The following MARCHF1 variants were observed in gnomAD, a reference collection of about 807,000 sequenced individuals.
MARCHF1 encodes the protein E3 ubiquitin-protein ligase MARCHF1.
MARCHF1 carries 40 observed loss-of-function variants against 54.2 expected under a neutral mutation model. The ratio of observed to expected loss-of-function variants is 0.74; its 90% CI spans 0.57 to 0.96. The LOEUF (loss-of-function observed/expected upper bound fraction) is 0.96, where lower values mean the gene tolerates loss of function less well. MARCHF1 is among the 40% of genes least tolerant of loss of function. The pLI, the probability that MARCHF1 is intolerant of heterozygous loss-of-function variation, is 0.00. For missense variants in MARCHF1, 586 were observed against 656.5 expected, an observed-to-expected ratio of 0.89 and a Z score of 1.17; for synonymous variants, 236 against 236.3, an observed-to-expected ratio of 1.00 and a Z score of 0.01.
In MARCHF1 at chr4:163,698,325, T is replaced by C. The variant is rs1423687168; in HGVS notation, c.162+2488A>G. On this transcript the variant is annotated intron_variant, in intron 5 of 9. Coordinates refer to ENST00000514618, the MANE Select transcript of MARCHF1 (RefSeq NM_001394959.1). ...TTTGGCCACTTCATGATTGAAAAAT[T>C]ATGTAGTCAATGAATAGTTTTCCAC... Among the ~76,000 whole-genome samples the C allele has an allele frequency of 2.0e-5, 3 of 152,176 alleles. No individual in the cohort carries two copies. In the East Asian group the frequency reaches 5.8e-4, roughly 29 times the overall value.
chr4:163,981,188 G>A (rs1263315678), intron 3 of MARCHF1, among the ~76,000 whole-genome samples: 3 of 150,782 alleles, frequency 2.0e-5, no homozygotes, highest in African/African-American at 7.3e-5. Context: ...TATTCATATT[G>A]GCATCAAAAG....
At chr4:163,681,177 A>T (rs1366318196) in intron 5 of MARCHF1, among the ~76,000 whole-genome samples, 1 of 152,086 alleles carries the variant, frequency 6.6e-6, no homozygotes, top group African/African-American at 2.4e-5. Context: ...TGCATATGGG[A>T]ATTGCTAAGA....
At chr4:164,074,079 A>G (rs911035659) in intron 2 of MARCHF1, among the ~76,000 whole-genome samples, 1 of 152,186 alleles carries the variant, frequency 6.6e-6, no homozygotes, top group Non-Finnish European at 1.5e-5. Flanking sequence ...GCTATATATC[A>G]ATTGTTTTGC....
At chr4:164,133,402 T>C (rs1756340634) in intron 1 of MARCHF1, among the ~76,000 whole-genome samples, 1 of 152,216 alleles carries the variant, frequency 6.6e-6, no homozygotes, top group Non-Finnish European at 1.5e-5. Context: ...TCTACTGTCA[T>C]TGTGATTCCC....
At chr4:163,649,076 A>G (rs1168676255) in intron 5 of MARCHF1, among the ~76,000 whole-genome samples, 1 of 151,812 alleles carries the variant, frequency 6.6e-6, no homozygotes, top group Non-Finnish European at 1.5e-5. Flanking sequence ...TATGTGATTT[A>G]TTTTTTTTCT....
intron 3 of MARCHF1, among the ~76,000 whole-genome samples, chr4:163,953,291 C>T (rs535494067): frequency 1.3e-5 from 2 of 152,088 alleles, no homozygotes; most frequent in African/African-American, 4.8e-5. Context: ...CAGGATTTGG[C>T]GTCAGACTTG....
chr4:163,994,049 A>T (rs528926149), intron 2 of MARCHF1, among the ~76,000 whole-genome samples: 21 of 152,242 alleles, frequency 1.4e-4, no homozygotes, highest in African/African-American at 5.1e-4. Flanking sequence ...AGCTTTCAAA[A>T]TATTAGTAAA....
At chr4:163,729,401 C>T (rs1291005620) in intron 4 of MARCHF1, among the ~76,000 whole-genome samples, 3 of 116,386 alleles carry the variant, frequency 2.6e-5, no homozygotes, top group African/African-American at 9.4e-5. Context: ...CACTCAACTG[C>T]TTCTGGTGCT....
chr4:163,854,870 C>A (rs909438726), intron 3 of MARCHF1, among the ~76,000 whole-genome samples: 1 of 152,130 alleles, frequency 6.6e-6, no homozygotes, highest in Admixed American at 6.6e-5. Context: ...TCAACAATGA[C>A]TTTTAACATA....
intron 2 of MARCHF1, among the ~76,000 whole-genome samples, chr4:164,072,766 C>G (rs1405947080): frequency 6.8e-6 from 1 of 147,988 alleles, no homozygotes; most frequent in Non-Finnish European, 1.5e-5. Flanking sequence ...TAGGAAAACA[C>G]TGATGGATGA....
At chr4:163,552,297 A>G (rs1739132511) in intron 8 of MARCHF1, among the ~76,000 whole-genome samples, 1 of 152,214 alleles carries the variant, frequency 6.6e-6, no homozygotes, top group African/African-American at 2.4e-5. Flanking sequence ...ATGTGTCCAG[A>G]TGGACCTGGG....
At chr4:163,717,827 C>G (rs1745314730) in intron 4 of MARCHF1, among the ~76,000 whole-genome samples, 1 of 152,176 alleles carries the variant, frequency 6.6e-6, no homozygotes, top group Admixed American at 6.5e-5. Context: ...ATCCTTCACC[C>G]ACTTTTTGAT....
At chr4:164,015,429 C>G (rs868593957) in intron 2 of MARCHF1, among the ~76,000 whole-genome samples, 2 of 151,998 alleles carry the variant, frequency 1.3e-5, no homozygotes, top group Admixed American at 6.6e-5. Context: ...AAAAACACAG[C>G]CAACTAAATC....
chr4:163,599,446 C>G (rs905154079), intron 7 of MARCHF1, among the ~76,000 whole-genome samples: 2 of 151,708 alleles, frequency 1.3e-5, no homozygotes, highest in Non-Finnish European at 2.9e-5. Context: ...AATATACACA[C>G]AAGCAAACAC....
intron 4 of MARCHF1, among the ~76,000 whole-genome samples, chr4:163,723,360 C>T (rs909055624): frequency 1.3e-5 from 2 of 152,204 alleles, no homozygotes; most frequent in Non-Finnish European, 2.9e-5. Context: ...CCCCCACTCT[C>T]TTCTGGCTTG....
At chr4:164,333,795 C>T (rs542442854) in intron 1 of MARCHF1, among the ~76,000 whole-genome samples, 22 of 152,270 alleles carry the variant, frequency 1.4e-4, no homozygotes, top group African/African-American at 5.3e-4. Flanking sequence ...AGAGGCCAAA[C>T]GCTAGGTGTA....
chr4:164,011,062 T>A (rs1753409857), intron 2 of MARCHF1, among the ~76,000 whole-genome samples: 1 of 152,058 alleles, frequency 6.6e-6, no homozygotes, highest in African/African-American at 2.4e-5. Flanking sequence ...GATAATGACA[T>A]TCAGGAAAAT....
At chr4:163,771,525 G>A (rs1156420045) in intron 4 of MARCHF1, among the ~76,000 whole-genome samples, 2 of 152,134 alleles carry the variant, frequency 1.3e-5, no homozygotes, top group East Asian at 1.9e-4. Flanking sequence ...GTATCTTCAC[G>A]CAGTAGAAAG....
chr4:163,560,352 T>C (rs971929255), intron 8 of MARCHF1, among the ~76,000 whole-genome samples: 4 of 152,192 alleles, frequency 2.6e-5, no homozygotes, highest in African/African-American at 9.6e-5. Context: ...GTGGCTCTAT[T>C]GCTGGATTGT....
Sources: allele counts gnomAD v4.1 joint callset (sites outside exome capture counted in the v4.1 genomes callset), GRCh38; gene constraint gnomAD v4.1.1; transcripts MANE v1.5; gene names NCBI Gene and HGNC (gene_info 2026-07-23, HGNC 2026-07-21).